CEP128: variants seen among roughly 807,000 people sequenced by gnomAD.
The protein encoded by CEP128 is centrosomal protein 128.
In CEP128, 132 loss-of-function variants were observed where a neutral mutation model predicts 156.7. The observed-to-expected ratio is 0.84, with a 90% CI of 0.73 to 0.97. The LOEUF is 0.97. Ranked by LOEUF, CEP128 falls within the 50% of genes least tolerant of loss-of-function variation. The probability of loss-of-function intolerance (pLI) is 0.00; values close to 1 mark genes in which losing one functional copy is unlikely to be tolerated. For missense variants in CEP128, 1,252 were observed against 1,281.9 expected, an observed-to-expected ratio of 0.98 and a Z score of 0.36; for synonymous variants, 469 against 448.9, an observed-to-expected ratio of 1.04 and a Z score of -0.57.
At chr14:80,895,146 G>C (rs984901625) in intron 8 of CEP128, among the ~76,000 whole-genome samples, 2 of 151,954 alleles carry the variant, frequency 1.3e-5, no homozygotes, top group African/African-American at 4.8e-5. Context: ...TTCCACCAAG[G>C]ATAGTGATTT....
intron 24 of CEP128, among the ~76,000 whole-genome samples, chr14:80,500,818 A>C (rs1887699101): frequency 6.6e-6 from 1 of 152,216 alleles, no homozygotes; most frequent in Non-Finnish European, 1.5e-5. Context: ...GTTACATATG[A>C]GCTTTTAGTT....
At chr14:80,577,767 C>T (rs557547104) in intron 20 of CEP128, among the ~76,000 whole-genome samples, 9 of 152,194 alleles carry the variant, frequency 5.9e-5, no homozygotes, top group Non-Finnish European at 1.0e-4. Flanking sequence ...TCTCATATAC[C>T]GAAGGTAAAG....
chr14:80,853,883 T>A (rs1261049220), intron 9 of CEP128, among the ~76,000 whole-genome samples: 1 of 151,588 alleles, frequency 6.6e-6, no homozygotes, highest in Non-Finnish European at 1.5e-5. Flanking sequence ...TAAATTAGAG[T>A]GGAAAGAACC....
downstream of CEP128, among the ~76,000 whole-genome samples, chr14:80,487,254 C>G: frequency 6.6e-6 from 1 of 151,924 alleles, no homozygotes; most frequent in Non-Finnish European, 1.5e-5. Context: ...GACTTTAAAC[C>G]AATAAAGATC....
chr14:80,571,949 T>C (rs1018779022), intron 20 of CEP128, among the ~76,000 whole-genome samples: 9 of 152,300 alleles, frequency 5.9e-5, no homozygotes, highest in East Asian at 1.9e-4. Flanking sequence ...ACAATTACAA[T>C]AGTAGTTACG....
rs571012442 is a variant in CEP128 at position 80,579,051 on chromosome 14, A to C, written c.2856+1323T>G. ...ACAGGCTATTAAATTTAATGAGATTACTAGTTCCAACATTTGCACTGTGAA... is the reference window on the plus strand; with the variant it reads ...ACAGGCTATTAAATTTAATGAGATTCCTAGTTCCAACATTTGCACTGTGAA... On this transcript the variant is annotated intron_variant, in intron 20 of 24. Coordinates refer to ENST00000555265, the MANE Select transcript of CEP128 (RefSeq NM_152446.5). Among the ~76,000 whole-genome samples the C allele has an allele frequency of 2.7e-3, 413 of 152,312 alleles. 2 individuals are homozygous for C. Among genetic ancestry groups the C allele is most frequent in the African/African-American group, 9.0e-3 (374 of 41,588 alleles).
chr14:80,851,636 C>A (rs1886893537), intron 9 of CEP128, among the ~76,000 whole-genome samples: 1 of 150,052 alleles, frequency 6.7e-6, no homozygotes, highest in East Asian at 2.0e-4. Context: ...GAAAAAGAAA[C>A]AAAAAGAGAA....
chr14:80,655,586 A>C (rs2140871578), intron 19 of CEP128, among the ~76,000 whole-genome samples: 1 of 152,278 alleles, frequency 6.6e-6, no homozygotes, highest in East Asian at 1.9e-4. Context: ...CATTCAGAGA[A>C]CAACCACCTC....
chr14:80,776,975 T>A (rs1044901550), intron 16 of CEP128, among the ~76,000 whole-genome samples: 2 of 152,146 alleles, frequency 1.3e-5, no homozygotes, highest in African/African-American at 4.8e-5. Flanking sequence ...ATTTTACACA[T>A]CTACTCAAAG....
chr14:80,485,828 T>G (rs1345388729), downstream of CEP128, among the ~76,000 whole-genome samples: 2 of 152,192 alleles, frequency 1.3e-5, no homozygotes, highest in African/African-American at 2.4e-5. Flanking sequence ...GCCTGTCCAA[T>G]GATGGGAAGT....
intron 19 of CEP128, among the ~76,000 whole-genome samples, chr14:80,724,856 T>C (rs1897952147): frequency 6.6e-6 from 1 of 151,408 alleles, no homozygotes; most frequent in Non-Finnish European, 1.5e-5. Flanking sequence ...CTGTATACTC[T>C]AGCCTCCTTG....
chr14:80,594,301 C>A (rs1275610650), intron 19 of CEP128, among the ~76,000 whole-genome samples: 1 of 152,138 alleles, frequency 6.6e-6, no homozygotes, highest in Admixed American at 6.5e-5. Context: ...CCCTTCCTTA[C>A]ACATTATACA....
At chr14:80,611,257 T>C (rs1250154037) in intron 19 of CEP128, among the ~76,000 whole-genome samples, 2 of 151,018 alleles carry the variant, frequency 1.3e-5, no homozygotes, top group African/African-American at 4.9e-5. Context: ...GAGAAAATAT[T>C]AAGAACCTTA....
chr14:80,807,423 T>TA (rs1188101371), intron 13 of CEP128, among the ~76,000 whole-genome samples: 1 of 152,118 alleles, frequency 6.6e-6, no homozygotes, highest in Non-Finnish European at 1.5e-5. Flanking sequence ...AAATTACAAA[T>TA]AGAGTCTCAT....
chr14:80,944,583 G>T (rs375332960), upstream of CEP128, among the ~76,000 whole-genome samples: 3 of 151,980 alleles, frequency 2.0e-5, no homozygotes, highest in East Asian at 5.8e-4. Flanking sequence ...AGCACTTTGG[G>T]AGGCTGAGGC....
intron 2 of CEP128, among the ~76,000 whole-genome samples, chr14:80,947,360 G>A (rs1950626150): frequency 6.6e-6 from 1 of 152,162 alleles, no homozygotes; most frequent in African/African-American, 2.4e-5. Context: ...AAAGGGAGGG[G>A]AGTTGAGAAA....
chr14:80,577,426 A>C (rs926598852), intron 20 of CEP128, among the ~76,000 whole-genome samples: 1 of 152,212 alleles, frequency 6.6e-6, no homozygotes, highest in Non-Finnish European at 1.5e-5. Flanking sequence ...ATATCACTGA[A>C]GAGCACAACT....
intron 19 of CEP128, among the ~76,000 whole-genome samples, chr14:80,652,690 C>A (rs1041842440): frequency 2.4e-4 from 36 of 152,286 alleles, no homozygotes; most frequent in African/African-American, 8.7e-4. Context: ...CAGGAAACAA[C>A]AGATGCTGGA....
chr14:80,837,614 G>T (rs1052264126), intron 11 of CEP128, among the ~76,000 whole-genome samples: 1 of 152,230 alleles, frequency 6.6e-6, no homozygotes, highest in African/African-American at 2.4e-5. Context: ...CTACTGGGAG[G>T]CTGAGGCAGG....
Sources: gnomAD v4.1 joint callset for allele counts (sites outside exome capture counted in the v4.1 genomes callset) on GRCh38, gnomAD v4.1.1 for gene constraint, MANE v1.5 for transcripts, NCBI Gene and HGNC (gene_info 2026-07-23, HGNC 2026-07-21) for gene names.